The following LRRIQ1 variants were observed in gnomAD, a reference collection of about 807,000 sequenced individuals.
LRRIQ1 encodes leucine rich repeats and IQ motif containing 1, also known as leucine-rich repeat- and IQ domain-containing protein 1.
In LRRIQ1, 210 loss-of-function variants were observed where a neutral mutation model predicts 211.9. The observed-to-expected ratio is 0.99, with a 90% CI of 0.89 to 1.11. The LOEUF (loss-of-function observed/expected upper bound fraction) is 1.11. LRRIQ1 is among the 50% of genes most tolerant of loss of function. The pLI, the probability that LRRIQ1 is intolerant of heterozygous loss-of-function variation, is 0.00. For missense variants in LRRIQ1, 2,136 were observed against 1,939.5 expected (o/e 1.10, Z -1.90); for synonymous variants, 699 against 650.1 (o/e 1.08, Z -1.14).
downstream of LRRIQ1, among the ~76,000 whole-genome samples, chr12:85,267,444 T>A (rs1048455881): frequency 6.6e-6 from 1 of 152,052 alleles, no homozygotes; most frequent in Non-Finnish European, 1.5e-5. Flanking sequence ...TAGATTAACA[T>A]CTATAAGTAT....
chr12:85,165,928 A>C (rs2136769663), intron 24 of LRRIQ1, among the ~76,000 whole-genome samples: 1 of 152,256 alleles, frequency 6.6e-6, no homozygotes, highest in African/African-American at 2.4e-5. Context: ...TTTTGGTAGA[A>C]GGATTTATTT....
chr12:85,063,557 C>T, intron 8 of LRRIQ1, among the ~76,000 whole-genome samples: 1 of 151,584 alleles, frequency 6.6e-6, no homozygotes, highest in East Asian at 1.9e-4. Flanking sequence ...CAGTTATACT[C>T]TTAGTCATTT....
At chr12:85,109,000 C>A (rs1178095713) in intron 15 of LRRIQ1, among the ~76,000 whole-genome samples, 4 of 151,966 alleles carry the variant, frequency 2.6e-5, no homozygotes, top group Non-Finnish European at 5.9e-5. Flanking sequence ...GCTATAACAC[C>A]TGATCCTAGG....
intron 6 of LRRIQ1, among the ~76,000 whole-genome samples, chr12:85,051,655 G>A (rs1880336261): frequency 6.6e-6 from 1 of 152,106 alleles, no homozygotes; most frequent in African/African-American, 2.4e-5. Context: ...TGGGTAATGT[G>A]TAAATTTATG....
chr12:85,185,459 T>C (rs1002706682), intron 24 of LRRIQ1, among the ~76,000 whole-genome samples: 2 of 151,880 alleles, frequency 1.3e-5, no homozygotes, highest in Admixed American at 6.6e-5. Context: ...ATCATTCTAT[T>C]TTAAAGATGA....
intron 19 of LRRIQ1, among the ~76,000 whole-genome samples, chr12:85,139,939 A>G (rs1398247986): frequency 6.6e-6 from 1 of 151,352 alleles, no homozygotes; most frequent in Non-Finnish European, 1.5e-5. Context: ...TTAAATGCTC[A>G]AATAAATTGA....
chr12:85,090,190 C>G (rs181260881), intron 11 of LRRIQ1, among the ~76,000 whole-genome samples: 1 of 152,202 alleles, frequency 6.6e-6, no homozygotes, highest in Non-Finnish European at 1.5e-5. Context: ...GGATTCCTGG[C>G]AGCCTCTGCC....
At chr12:85,196,671 T>A (rs910902230) in intron 24 of LRRIQ1, among the ~76,000 whole-genome samples, 77 of 152,148 alleles carry the variant, frequency 5.1e-4, no homozygotes, top group African/African-American at 1.8e-3. Flanking sequence ...TATACAAAAA[T>A]CAATTCGAGA....
chr12:85,146,188 C>A (rs1889882741), intron 19 of LRRIQ1, among the ~76,000 whole-genome samples: 2 of 151,868 alleles, frequency 1.3e-5, no homozygotes, highest in Middle Eastern at 3.4e-3. Flanking sequence ...TCCAGAATAA[C>A]CCTGGTCAGC....
At chr12:85,209,035 CAT>C in intron 24 of LRRIQ1, among the ~76,000 whole-genome samples, 1 of 152,222 alleles carries the variant, frequency 6.6e-6, no homozygotes, top group Non-Finnish European at 1.5e-5. Flanking sequence ...ATATTGGCAA[CAT>C]AGTGAAAAAG....
intron 10 of LRRIQ1, among the ~76,000 whole-genome samples, chr12:85,068,371 G>A (rs1409874417): frequency 6.6e-6 from 1 of 151,854 alleles, no homozygotes; most frequent in South Asian, 2.1e-4. Flanking sequence ...GCTTGTTTGT[G>A]TATATTTTGT....
chr12:85,142,090 G>T (rs201358126), intron 19 of LRRIQ1, among the ~76,000 whole-genome samples: 1 of 151,278 alleles, frequency 6.6e-6, no homozygotes, highest in Non-Finnish European at 1.5e-5. Flanking sequence ...TAGAATTCTA[G>T]TTAGGCTTTC....
intron 24 of LRRIQ1, among the ~76,000 whole-genome samples, chr12:85,176,176 T>C (rs1216175505): frequency 1.3e-5 from 2 of 152,156 alleles, no homozygotes; most frequent in Admixed American, 6.6e-5. Context: ...TCCTCTTTTA[T>C]TTCCATGAGC....
intron 11 of LRRIQ1, among the ~76,000 whole-genome samples, chr12:85,090,957 A>G (rs1885330513): frequency 1.3e-5 from 2 of 152,122 alleles, no homozygotes; most frequent in African/African-American, 4.8e-5. Flanking sequence ...AAGGTGAGGT[A>G]TGGTGGGAGG....
At chr12:85,086,935 C>CATT (rs202087547) in intron 11 of LRRIQ1, among the ~76,000 whole-genome samples, 7,583 of 149,202 alleles carry the variant, frequency 0.051, 587 homozygotes, top group African/African-American at 0.17. Context: ...GATTGTTCTT[C>CATT]ATTATTATTA....
At chr12:85,125,765 C>T (rs1888332034) in intron 17 of LRRIQ1, among the ~76,000 whole-genome samples, 1 of 151,980 alleles carries the variant, frequency 6.6e-6, no homozygotes, top group Admixed American at 6.6e-5. Context: ...AATTGGTTGC[C>T]TTTGCTCCAA....
At chr12:85,110,573 A>G (rs1887102151) in intron 15 of LRRIQ1, among the ~76,000 whole-genome samples, 1 of 152,142 alleles carries the variant, frequency 6.6e-6, no homozygotes, top group Non-Finnish European at 1.5e-5. Flanking sequence ...CTAATAAAAC[A>G]CTAGTGTCAA....
intron 26 of LRRIQ1, among the ~76,000 whole-genome samples, chr12:85,243,829 C>A (rs1895588579): frequency 6.6e-6 from 1 of 151,340 alleles, no homozygotes; most frequent in Admixed American, 6.6e-5. Context: ...TAAAGAGGGT[C>A]ATTTTTGGAT....
At chr12:85,156,296 TC>T (rs768687699) in intron 23 of LRRIQ1, among the ~76,000 whole-genome samples, 1 of 151,822 alleles carries the variant, frequency 6.6e-6, no homozygotes, top group Non-Finnish European at 1.5e-5. Context: ...TATACTCTTC[TC>T]ACTTTTTTCA....
Sources: allele counts gnomAD v4.1 joint callset (sites outside exome capture counted in the v4.1 genomes callset), GRCh38; gene constraint gnomAD v4.1.1; transcripts MANE v1.5; gene names NCBI Gene and HGNC (gene_info 2026-07-23, HGNC 2026-07-21).